The following HNRNPLL variants were observed in gnomAD, a reference collection of about 807,000 sequenced individuals.
The protein encoded by HNRNPLL is heterogeneous nuclear ribonucleoprotein L like.
HNRNPLL carries 25 observed loss-of-function variants against 67.1 expected under a neutral mutation model. The observed-to-expected ratio is 0.37, with a 90% CI of 0.27 to 0.52. The LOEUF (loss-of-function observed/expected upper bound fraction) is 0.52. HNRNPLL is among the 20% of genes least tolerant of loss of function. The pLI, the probability that HNRNPLL is intolerant of heterozygous loss-of-function variation, is 0.90. For synonymous variants in HNRNPLL, 267 were observed against 241.7 expected, an observed-to-expected ratio of 1.10 and a Z score of -0.97; for missense variants, 542 against 673.9, an observed-to-expected ratio of 0.80 and a Z score of 2.17.
At chr2:38,585,599 C>G (rs766016678) in intron 3 of HNRNPLL, 45 bp downstream of exon 3, 3 of 1,266,724 alleles carry the variant, frequency 2.4e-6, no homozygotes, top group South Asian at 2.4e-5. Flanking sequence ...TGGAGGCAAA[C>G]TGCAAAATCA....
In HNRNPLL at chr2:38,585,734, C is replaced by T. The variant is rs1176426050; in HGVS notation, c.456G>A (p.Arg152=). 4 of 1,613,850 alleles carry T rather than the reference C, an allele frequency of 2.5e-6. No homozygotes were observed. The highest frequency in any genetic ancestry group is 1.7e-5 in the Admixed American group (1 of 59,994). Residue 152 remains arginine (R), a synonymous_variant, in exon 3 of 13, where the codon AGG becomes AGA. Transcript: ENST00000449105. ...CATCAGTATTTCCTGGCCGAGTGAT[C>T]CTTTTGCTTGTAGAATAGTTGAAAA... is the stretch of plus-strand genomic sequence containing the variant. ...QAFFNYSTSK[R]ITRPGNTDDP... is the part of the protein sequence containing the mutation.
At position 38,590,641 on chromosome 2, in the gene HNRNPLL, G is replaced by A. The variant is rs115350150; in HGVS notation, c.308+889C>T. 1.0e-2 allele frequency among the ~76,000 whole-genome samples: 1,515 copies of A among 152,234 alleles called. 31 individuals carry two copies. The highest frequency in any genetic ancestry group is 0.034 in the African/African-American group (1,419 of 41,540). ...TTAAGTTAATATTCTTAAGTATACA[G>A]CAGCTGTGGGAAGAGACAGGGGGAG... On this transcript the variant is annotated intron_variant, in intron 2 of 12. Transcript: ENST00000449105.
intron 1 of HNRNPLL, among the ~76,000 whole-genome samples, chr2:38,600,549 G>A (rs1667386949): frequency 6.6e-6 from 1 of 151,944 alleles, no homozygotes; most frequent in South Asian, 2.1e-4. Context: ...GCAATATGGT[G>A]AAACCCCTTC....
At position 38,602,707 on chromosome 2, in the gene HNRNPLL, C is replaced by T; in HGVS notation, c.-81G>A. 7.0e-7 allele frequency: 1 copy of T among 1,430,760 alleles called. No individual in the cohort carries two copies. Among genetic ancestry groups the T allele is most frequent in the Non-Finnish European group, 9.1e-7 (1 of 1,095,788 alleles). The allele number at this position is 1,430,760 out of a possible 1,614,324, so 88.6% of individuals were successfully genotyped here. On this transcript the variant is annotated 5_prime_UTR_variant, in exon 1 of 13. Coordinates refer to ENST00000449105, the MANE Select transcript of HNRNPLL (RefSeq NM_138394.4). ...GCCTCGGATGCCGCCGGCCAGTCCT[C>T]GCCGCCGGCAGCGCCTCTTCTGCGA...
rs1348488351 is a variant in HNRNPLL, at chr2:38,562,711, C to A, written c.*1471G>T. ...TCTGTGATAAGGGTCTAAAATACTTCTAGATTAAATTTAATTTTTTCTTTA... is the reference window on the plus strand; with the variant it reads ...TCTGTGATAAGGGTCTAAAATACTTATAGATTAAATTTAATTTTTTCTTTA... On this transcript the variant is annotated 3_prime_UTR_variant, in exon 13 of 13. Transcript: ENST00000449105. The A allele has an allele frequency of 1.3e-5, 2 of 151,994 alleles. No homozygotes were observed. The highest frequency in any genetic ancestry group is 2.9e-5 in the Non-Finnish European group (2 of 67,942). 9.4% of individuals were successfully genotyped at this position (151,994 alleles called of 1,614,324 possible).
intron 7 of HNRNPLL, among the ~76,000 whole-genome samples, chr2:38,575,540 G>T (rs1666267372): frequency 6.6e-6 from 1 of 151,814 alleles, no homozygotes; most frequent in Admixed American, 6.6e-5. Context: ...ATATCATTAA[G>T]TCTGGGCTTC....
chr2:38,566,827 A>C (rs1313220232), intron 12 of HNRNPLL, among the ~76,000 whole-genome samples: 3 of 151,334 alleles, frequency 2.0e-5, no homozygotes, highest in African/African-American at 7.3e-5. Context: ...CTATTAAAAA[A>C]AAAAAAAATT....
Position 38,567,165 on chromosome 2 carries a change from G to A in HNRNPLL, c.1573+1034C>T, listed in dbSNP as rs145062790. Among the ~76,000 whole-genome samples the A allele has an allele frequency of 4.6e-4, 70 of 152,202 alleles. 4 individuals carry two copies. The East Asian group carries it at 0.013, about 29-fold the overall frequency. On this transcript the variant is annotated intron_variant, in intron 12 of 12. Transcript: ENST00000449105. ...GTTGCCCAGGCTGGAGGGCAATGGCGTGATCTCGTCTCACTGCAACCTCAC... is the reference window on the plus strand; with the variant it reads ...GTTGCCCAGGCTGGAGGGCAATGGCATGATCTCGTCTCACTGCAACCTCAC...
chr2:38,577,887 A>C (rs963939285), intron 6 of HNRNPLL: 1 of 475,946 alleles, frequency 2.1e-6, no homozygotes, highest in Admixed American at 2.4e-5. Flanking sequence ...CTTTAAAACA[A>C]GCTTTAAGTG....
chr2:38,587,921 G>T (rs1017222834), intron 2 of HNRNPLL, among the ~76,000 whole-genome samples: 2 of 152,034 alleles, frequency 1.3e-5, no homozygotes, highest in Non-Finnish European at 2.9e-5. Flanking sequence ...ACAAGATCTG[G>T]TTGTTTGACA....
rs765458121 is a variant in HNRNPLL at position 38,581,876 on chromosome 2, C to G, written c.802+37G>C. 1.3e-5 allele frequency: 18 copies of G among 1,373,970 alleles called. No homozygotes were observed. The Admixed American group carries it at 3.1e-4, about 23-fold the overall frequency. The allele number at this position is 1,373,970 out of a possible 1,614,324, so 85.1% of individuals were successfully genotyped here. A position where few individuals can be genotyped will look rare whatever the true frequency, so the allele number is the denominator to read the frequency against. ...CTAACTGCATATAAAAATTTGTCAG[C>G]AGATCAAGTACATTCTAAAATGTAT... On this transcript the variant is annotated intron_variant, in intron 6 of 12. Transcript: ENST00000449105.
At chr2:38,565,542 T>A (rs1483352858) in intron 12 of HNRNPLL, among the ~76,000 whole-genome samples, 1 of 151,628 alleles carries the variant, frequency 6.6e-6, no homozygotes, top group Non-Finnish European at 1.5e-5. Context: ...GATCCCTCCA[T>A]GTAAAAAAAA....
rs1040561547 is a variant in HNRNPLL at position 38,577,332 on chromosome 2, G to A, written c.874+129C>T. ...GACAACTCCTGGGAGTACATTACAA[G>A]GGACTGATCCCATATAAACCGAGGC... is the stretch of plus-strand genomic sequence containing the variant. On this transcript the variant is annotated intron_variant, in intron 7 of 12. Coordinates refer to ENST00000449105, the MANE Select transcript of HNRNPLL (RefSeq NM_138394.4). 35 of 613,052 alleles carry A rather than the reference G, an allele frequency of 5.7e-5. No individual in the cohort carries two copies. The African/African-American group carries it at 5.8e-4, about 10-fold the overall frequency. The allele number at this position is 613,052 out of a possible 1,614,324, so 38.0% of individuals were successfully genotyped here.
At chr2:38,602,413 G>T in intron 1 of HNRNPLL, 25 bp downstream of exon 1, 1 of 1,545,974 alleles carries the variant, frequency 6.5e-7, no homozygotes, top group Non-Finnish European at 8.7e-7. Flanking sequence ...CAGGCACAGC[G>T]GACAGGGGGG....
intron 7 of HNRNPLL, among the ~76,000 whole-genome samples, 174 bp downstream of exon 7, chr2:38,577,287 T>A (rs1666334935): frequency 6.6e-6 from 1 of 151,864 alleles, no homozygotes; most frequent in Non-Finnish European, 1.5e-5. Context: ...TAAATCATTA[T>A]CCTAAGAAAA....
At chr2:38,584,887 T>C (rs1395977189) in intron 3 of HNRNPLL, among the ~76,000 whole-genome samples, 1 of 151,996 alleles carries the variant, frequency 6.6e-6, no homozygotes, top group African/African-American at 2.4e-5. Flanking sequence ...ATTAGTTACA[T>C]GTTTTCCCAA....
rs1408655315 is a variant in HNRNPLL, at chr2:38,581,968, A to G, written c.747T>C (p.Val249=). 1 of 1,611,846 alleles carries G rather than the reference A, an allele frequency of 6.2e-7. No homozygotes were observed. Among genetic ancestry groups the G allele is most frequent in the Non-Finnish European group, 8.5e-7 (1 of 1,178,082 alleles). ...CCCAACTGTCATTGTCATTCCTAAT[A>G]ACATTTAGACGAGTTGGCTGTTAAG... ...IEYARPTRLN[V]IRNDNDSWDY... Residue 249 remains valine (V), a synonymous_variant, in exon 6 of 13, where the codon GTT becomes GTC. Transcript: ENST00000449105.
chr2:38,596,070 A>G (rs947435874), intron 1 of HNRNPLL, among the ~76,000 whole-genome samples: 1 of 141,612 alleles, frequency 7.1e-6, no homozygotes, highest in East Asian at 2.1e-4. Context: ...CTGTAGTGAT[A>G]AAAAAAAAAA....
intron 7 of HNRNPLL, 101 bp from the exon 8 acceptor site, chr2:38,573,528 T>C: frequency 1.3e-6 from 1 of 748,742 alleles, no homozygotes; most frequent in South Asian, 1.7e-5. Context: ...AAATAAACTC[T>C]TAATATTAGC....
Sources: gnomAD v4.1 joint callset for allele counts (sites outside exome capture counted in the v4.1 genomes callset) on GRCh38, gnomAD v4.1.1 for gene constraint, MANE v1.5 for transcripts, NCBI Gene and HGNC (gene_info 2026-07-23, HGNC 2026-07-21) for gene names.